R3HDM2: variants seen among roughly 807,000 people sequenced by gnomAD.
The protein encoded by R3HDM2 is R3H domain containing 2, also known as R3H domain-containing protein 2.
Under a neutral mutation model 124.5 loss-of-function variants are expected in R3HDM2, and 38 were observed. That is an observed-to-expected ratio of 0.31 (90% confidence interval 0.24 to 0.40). The LOEUF (loss-of-function observed/expected upper bound fraction) is 0.40, where lower values mean the gene tolerates loss of function less well. Ranked by LOEUF, R3HDM2 falls within the 10% of genes least tolerant of loss-of-function variation. The probability of loss-of-function intolerance (pLI) is 1.00; values close to 1 mark genes in which losing one functional copy is unlikely to be tolerated. For synonymous variants in R3HDM2, 391 were observed against 448.0 expected (o/e 0.87, Z 1.61); for missense variants, 869 against 1,236.9 (o/e 0.70, Z 4.46).
At position 57,270,010 on chromosome 12, in the gene R3HDM2, A is replaced by C; in HGVS notation, c.1345-16T>G. 6.2e-7 allele frequency: 1 copy of C among 1,614,062 alleles called. No individual in the cohort carries two copies. The highest frequency in any genetic ancestry group is 1.1e-5 in the South Asian group (1 of 91,072). On this transcript the variant is annotated splice_polypyrimidine_tract_variant and intron_variant, in intron 14 of 23. Coordinates refer to ENST00000402412, the MANE Select transcript of R3HDM2 (RefSeq NM_001394031.1). ...GGTCATCTGCCTGTTGAGAGAGTAT[A>C]AGACACAGGATTGGGGCTGTATCAA... is the stretch of plus-strand genomic sequence containing the variant.
Position 57,421,242 on chromosome 12 carries a change from AC to A in R3HDM2, c.-106+9477del, listed in dbSNP as rs1359265895. ...TCTCGGCTCACAGCAACCTCCGCCT[AC>A]TAGATTCAAGCAATTCTCCTGCCTC... is the stretch of plus-strand genomic sequence containing the variant. On this transcript the variant is annotated intron_variant, in intron 1 of 23. Coordinates refer to ENST00000402412, the MANE Select transcript of R3HDM2 (RefSeq NM_001394031.1). Among the ~76,000 whole-genome samples, 7 of 139,324 alleles carry A rather than the reference AC, an allele frequency of 5.0e-5. No homozygotes were observed. In the East Asian group the frequency reaches 1.4e-3, roughly 29 times the overall value. 91.4% of individuals were successfully genotyped at this position (139,324 alleles called of 152,430 possible). A position where few individuals can be genotyped will look rare whatever the true frequency, so the allele number is the denominator to read the frequency against.
intron 2 of R3HDM2, among the ~76,000 whole-genome samples, chr12:57,383,676 T>C (rs1022893899): frequency 5.3e-5 from 8 of 152,066 alleles, no homozygotes; most frequent in Non-Finnish European, 1.0e-4. Flanking sequence ...CACTCCAGCC[T>C]GGGTAACAGA....
intron 2 of R3HDM2, among the ~76,000 whole-genome samples, chr12:57,326,073 G>A (rs998547289): frequency 2.0e-5 from 3 of 152,132 alleles, no homozygotes; most frequent in South Asian, 2.1e-4. Context: ...ACCAGGAACT[G>A]TGCCCATGTA....
intron 1 of R3HDM2, among the ~76,000 whole-genome samples, chr12:57,417,070 ATC>A (rs1403738694): frequency 6.6e-6 from 1 of 151,786 alleles, no homozygotes; most frequent in East Asian, 1.9e-4. Context: ...GTGAGCCGAG[ATC>A]CCACCACTGC....
chr12:57,312,595 G>A (rs894779426), intron 2 of R3HDM2, among the ~76,000 whole-genome samples: 3 of 152,092 alleles, frequency 2.0e-5, no homozygotes, highest in Non-Finnish European at 4.4e-5. Context: ...TGACGGCCAG[G>A]CACAGTGGCT....
chr12:57,360,002 AATAAAT>A lies in R3HDM2; in HGVS notation c.-36+35741_-36+35746del, dbSNP rs1291501538. Reference sequence around the variant, plus strand: ...GTGAATTGTTTTCAGTAAATAAATAAATAAATATATATATATATATACACACATATA... The same window carrying A: ...GTGAATTGTTTTCAGTAAATAAATAAATATATATATATATACACACATATA... On this transcript the variant is annotated intron_variant, in intron 2 of 23. Coordinates refer to ENST00000402412, the MANE Select transcript of R3HDM2 (RefSeq NM_001394031.1). 1.1e-4 allele frequency among the ~76,000 whole-genome samples: 12 copies of A among 104,988 alleles called. No homozygotes were observed. The South Asian group carries it at 3.6e-3, about 31-fold the overall frequency. The allele number at this position is 104,988 out of a possible 152,430, so 68.9% of individuals were successfully genotyped here.
chr12:57,428,458 G>A (rs1057359985), intron 1 of R3HDM2, among the ~76,000 whole-genome samples: 2 of 136,814 alleles, frequency 1.5e-5, no homozygotes, highest in African/African-American at 2.7e-5. Context: ...AGTGAAACCC[G>A]TCTCTACTAA....
At chr12:57,360,177 C>T (rs982311713) in intron 2 of R3HDM2, among the ~76,000 whole-genome samples, 3 of 150,670 alleles carry the variant, frequency 2.0e-5, no homozygotes, top group Non-Finnish European at 3.0e-5. Flanking sequence ...TACAGGCATG[C>T]GCCACCATGC....
chr12:57,262,108 G>A (rs2041022070), intron 19 of R3HDM2, among the ~76,000 whole-genome samples: 1 of 152,118 alleles, frequency 6.6e-6, no homozygotes, highest in Non-Finnish European at 1.5e-5. Flanking sequence ...TCTATGGAAA[G>A]GAATTGTTTG....
intron 2 of R3HDM2, among the ~76,000 whole-genome samples, chr12:57,337,934 G>T (rs2059071034): frequency 6.6e-6 from 1 of 152,138 alleles, no homozygotes; most frequent in African/African-American, 2.4e-5. Flanking sequence ...TCATCTGTCA[G>T]ATATGAACAC....
chr12:57,336,411 A>C (rs1366830346), intron 2 of R3HDM2, among the ~76,000 whole-genome samples: 4 of 152,204 alleles, frequency 2.6e-5, no homozygotes. Flanking sequence ...AGGTTTAATC[A>C]ACCTAAATGC....
intron 14 of R3HDM2, among the ~76,000 whole-genome samples, chr12:57,276,718 T>C (rs1285841399): frequency 6.6e-6 from 1 of 151,786 alleles, no homozygotes; most frequent in African/African-American, 2.4e-5. Flanking sequence ...AAACCCCCAT[T>C]TCTACTAAAA....
intron 3 of R3HDM2, 130 bp from the exon 4 acceptor site, chr12:57,303,347 C>T (rs1051483719): frequency 1.3e-6 from 1 of 783,430 alleles, no homozygotes; most frequent in Non-Finnish European, 2.1e-6. Context: ...TGATGAGGAC[C>T]ACTTGATGTG....
chr12:57,288,199 T>C (rs1289652909), intron 12 of R3HDM2, among the ~76,000 whole-genome samples: 1 of 151,694 alleles, frequency 6.6e-6, no homozygotes, highest in African/African-American at 2.4e-5. Flanking sequence ...AGAGACAAGG[T>C]TTCACCATCT....
intron 13 of R3HDM2, 48 bp downstream of exon 13, chr12:57,283,776 C>T (rs759450398): frequency 6.4e-7 from 1 of 1,565,036 alleles, no homozygotes; most frequent in South Asian, 1.1e-5. Context: ...TCACAGGAGA[C>T]AAGCAAGAAG....
At chr12:57,377,491 C>T (rs1018315736) in intron 2 of R3HDM2, among the ~76,000 whole-genome samples, 1 of 152,062 alleles carries the variant, frequency 6.6e-6, no homozygotes, top group African/African-American at 2.4e-5. Flanking sequence ...CTAGACCTCC[C>T]CTTTCCTTCC....
intron 2 of R3HDM2, among the ~76,000 whole-genome samples, chr12:57,395,123 T>A (rs567725012): frequency 6.6e-6 from 1 of 151,534 alleles, no homozygotes; most frequent in South Asian, 2.1e-4. Flanking sequence ...GGCAGGAGAA[T>A]CATTTGAACT....
intron 2 of R3HDM2, among the ~76,000 whole-genome samples, chr12:57,352,134 TG>T (rs2060739420): frequency 6.7e-6 from 1 of 148,340 alleles, no homozygotes; most frequent in Non-Finnish European, 1.5e-5. Context: ...ACTTAGGGTA[TG>T]GGAGGCTGAG....
intron 2 of R3HDM2, among the ~76,000 whole-genome samples, chr12:57,315,434 T>C (rs1047809129): frequency 2.2e-4 from 33 of 152,234 alleles, no homozygotes; most frequent in African/African-American, 7.7e-4. Flanking sequence ...GCCTTGGCCT[T>C]CCAAAGTGCT....
Sources: allele counts gnomAD v4.1 joint callset (sites outside exome capture counted in the v4.1 genomes callset), GRCh38; gene constraint gnomAD v4.1.1; transcripts MANE v1.5; gene names NCBI Gene and HGNC (gene_info 2026-07-23, HGNC 2026-07-21).